EEF1AKMT3: variants seen among roughly 807,000 people sequenced by gnomAD.
EEF1AKMT3 encodes EEF1A lysine methyltransferase 3.
Under a neutral mutation model 17.8 loss-of-function variants are expected in EEF1AKMT3, and 17 were observed. The observed-to-expected ratio is 0.96, with a 90% CI of 0.65 to 1.43. The LOEUF (loss-of-function observed/expected upper bound fraction) is 1.43, where lower values mean the gene tolerates loss of function less well. Among genes scored for constraint, EEF1AKMT3 ranks in the 40% most tolerant of loss-of-function variants. The pLI, the probability that EEF1AKMT3 is intolerant of heterozygous loss-of-function variation, is 0.00. For synonymous variants in EEF1AKMT3, 116 were observed against 126.5 expected, an observed-to-expected ratio of 0.92 and a Z score of 0.56; for missense variants, 244 against 285.8, an observed-to-expected ratio of 0.85 and a Z score of 1.06.
chr12:57,773,307 A>T (rs1955457295), intron 2 of EEF1AKMT3, among the ~76,000 whole-genome samples, 179 bp downstream of exon 2: 1 of 152,076 alleles, frequency 6.6e-6, no homozygotes, highest in African/African-American at 2.4e-5. Flanking sequence ...TCTGCGTGCC[A>T]GACAGCGCGA....
chr12:57,780,228 G>C, intron 2 of EEF1AKMT3, 27 bp from the exon 3 acceptor site: 21 of 1,606,496 alleles, frequency 1.3e-5, no homozygotes, highest in Non-Finnish European at 1.7e-5. Flanking sequence ...CCTCTGACTT[G>C]CATTTTTCCT....
Position 57,773,126 on chromosome 12 carries a change from A to G in EEF1AKMT3, c.287A>G (p.Gln96Arg), listed in dbSNP as rs758258087. Residue 96 changes from glutamine (Q) to arginine (R), a missense_variant and splice_region_variant, in exon 2 of 3, where the codon CAG becomes CGG. Physicochemically the swap from Gln to Arg is conservative, Grantham distance 43. Transcript: ENST00000300209. ...TGIVGILAAL[Q>R]GGDVTITDLP... ...ATCGTGGGGATCTTGGCAGCGCTGC[A>G]GGGTGCGTGAGCTGGCTTTTTACGG... The G allele has an allele frequency of 2.5e-6, 4 of 1,614,060 alleles. No homozygotes were observed. The South Asian group carries it at 4.4e-5, about 18-fold the overall frequency.
chr12:57,773,596 T>C (rs1472885903), intron 2 of EEF1AKMT3, among the ~76,000 whole-genome samples: 3 of 152,062 alleles, frequency 2.0e-5, no homozygotes, highest in African/African-American at 7.2e-5. Context: ...CCCGGCTACT[T>C]TTTGTATTTT....
Position 57,780,780 on chromosome 12 carries a change from C to G in EEF1AKMT3, c.*134C>G. The G allele has an allele frequency of 8.2e-7, 1 of 1,213,078 alleles. No homozygotes were observed. Among genetic ancestry groups the G allele is most frequent in the Middle Eastern group, 2.6e-4 (1 of 3,896 alleles). The allele number at this position is 1,213,078 out of a possible 1,614,324, so 75.1% of individuals were successfully genotyped here. A position where few individuals can be genotyped will look rare whatever the true frequency, so the allele number is the denominator to read the frequency against. On this transcript the variant is annotated 3_prime_UTR_variant, in exon 3 of 3. Coordinates refer to ENST00000300209, the MANE Select transcript of EEF1AKMT3 (RefSeq NM_015433.3). The stretch of plus-strand genomic sequence containing the variant: ...CCTGGCCTCTCTCACTTTCCTCCTT[C>G]CCTCTTTGTTACCCCAGATACTCTT...
At chr12:57,778,947 C>T (rs757107419) in intron 2 of EEF1AKMT3, among the ~76,000 whole-genome samples, 48 of 152,294 alleles carry the variant, frequency 3.2e-4, no homozygotes, top group Non-Finnish European at 5.6e-4. Context: ...GCAACCTTCG[C>T]CTCCCAGGTT....
chr12:57,778,293 C>CTTTTTTTTTTTTTT lies in EEF1AKMT3; in HGVS notation c.290-1960_290-1947dup, dbSNP rs56919999. Reference sequence around the variant, plus strand: ...CCAAACACCCAGAAACCATCCTGAGCTTTTTTTTTTTTTTTGAGACAGGTT... The same window carrying CTTTTTTTTTTTTTT: ...CCAAACACCCAGAAACCATCCTGAGCTTTTTTTTTTTTTTTTTTTTTTTTTTTTTGAGACAGGTT... On this transcript the variant is annotated intron_variant, in intron 2 of 2. Coordinates refer to ENST00000300209, the MANE Select transcript of EEF1AKMT3 (RefSeq NM_015433.3). Among the ~76,000 whole-genome samples the CTTTTTTTTTTTTTT allele has an allele frequency of 1.3e-3, 56 of 43,992 alleles. 26 individuals carry two copies. Among genetic ancestry groups the CTTTTTTTTTTTTTT allele is most frequent in the African/African-American group, 2.6e-3 (32 of 12,336 alleles). 28.9% of individuals were successfully genotyped at this position (43,992 alleles called of 152,430 possible).
chr12:57,780,104 A>G (rs1483973188), intron 2 of EEF1AKMT3, 151 bp from the exon 3 acceptor site: 1 of 790,006 alleles, frequency 1.3e-6, no homozygotes, highest in Non-Finnish European at 2.0e-6. Flanking sequence ...AGTGGGTGAA[A>G]TGGAGGTTGA....
Position 57,780,307 on chromosome 12 carries a change from C to A in EEF1AKMT3, c.342C>A (p.Gly114=), listed in dbSNP as rs1955504466. 1 of 1,614,008 alleles carries A rather than the reference C, an allele frequency of 6.2e-7. No individual in the cohort carries two copies. The highest frequency in any genetic ancestry group is 1.7e-5 in the Admixed American group (1 of 59,996). Residue 114 remains glycine (G), a synonymous_variant, in exon 3 of 3, where the codon GGC becomes GGA. Transcript: ENST00000300209. ...CCCTGGCCCTAGAACAGATCCAGGG[C>A]AACGTCCAGGCCAATGTGCCAGCTG... ...DLPLALEQIQ[G]NVQANVPAGG... is the part of the protein sequence containing the mutation.
chr12:57,777,459 G>C (rs183679433), intron 2 of EEF1AKMT3, among the ~76,000 whole-genome samples: 24 of 152,202 alleles, frequency 1.6e-4, no homozygotes, highest in Admixed American at 1.4e-3. Context: ...GTTGTTAAAC[G>C]CAGGAGTCAG....
intron 2 of EEF1AKMT3, among the ~76,000 whole-genome samples, chr12:57,778,429 T>A (rs1323211520): frequency 6.6e-6 from 1 of 151,470 alleles, no homozygotes; most frequent in African/African-American, 2.4e-5. Flanking sequence ...GCCTCCCGAG[T>A]AGCTGGGACT....
chr12:57,777,998 A>G (rs572879660), intron 2 of EEF1AKMT3, among the ~76,000 whole-genome samples: 2 of 150,604 alleles, frequency 1.3e-5, no homozygotes, highest in South Asian at 4.2e-4. Flanking sequence ...CAGCCTGGGC[A>G]ACAAGTGCGA....
chr12:57,782,390 C>T lies in EEF1AKMT3; in HGVS notation c.*1744C>T, dbSNP rs1469701939. ...ATTGTGCTCATTCAATAAATATTTA[C>T]TCGCTTTGTTTAATGGATTCCACCC... On this transcript the variant is annotated 3_prime_UTR_variant, in exon 3 of 3. Transcript: ENST00000300209. The T allele has an allele frequency of 5.1e-6, 1 of 194,306 alleles. No individual in the cohort carries two copies. The highest frequency in any genetic ancestry group is 8.6e-5 in the South Asian group (1 of 11,668). The allele number at this position is 194,306 out of a possible 1,614,324, so 12.0% of individuals were successfully genotyped here. A position where few individuals can be genotyped will look rare whatever the true frequency, so the allele number is the denominator to read the frequency against.
At chr12:57,774,486 T>TA (rs1422644957) in intron 2 of EEF1AKMT3, 2 of 556,642 alleles carry the variant, frequency 3.6e-6, no homozygotes, top group African/African-American at 1.9e-5. Context: ...GTCTCAAAAA[T>TA]AAAAAAAGGG....
At chr12:57,774,653 C>G (rs1356879594) in intron 2 of EEF1AKMT3, 1 of 1,556,932 alleles carries the variant, frequency 6.4e-7, no homozygotes, top group Non-Finnish European at 8.9e-7. Context: ...GTGAGGGAGA[C>G]AGAGGACGAT....
At position 57,780,616 on chromosome 12, in the gene EEF1AKMT3, G is replaced by A. The variant is rs771052720; in HGVS notation, c.651G>A (p.Arg217=). The change falls in exon 3 of 3, where the codon AGG becomes AGA. Residue 217 remains arginine (R), a synonymous_variant. Coordinates refer to ENST00000300209, the MANE Select transcript of EEF1AKMT3 (RefSeq NM_015433.3). ...RDEDENVNIY[R]ARHREPRPA is the part of the protein sequence containing the mutation. ...AGGATGAAAATGTCAACATCTATAG[G>A]GCCAGGCACAGGGAACCAAGACCTG... 1.9e-6 allele frequency: 3 copies of A among 1,610,674 alleles called. No homozygotes were observed. The Admixed American group carries it at 5.0e-5, about 27-fold the overall frequency.
chr12:57,780,136 G>C, intron 2 of EEF1AKMT3, 119 bp from the exon 3 acceptor site: 1 of 1,236,980 alleles, frequency 8.1e-7, no homozygotes, highest in African/African-American at 1.5e-5. Context: ...GCCAGTGTGG[G>C]CTCTGGGCTG....
At chr12:57,776,372 G>A (rs1955480355) in intron 2 of EEF1AKMT3, among the ~76,000 whole-genome samples, 2 of 152,066 alleles carry the variant, frequency 1.3e-5, no homozygotes, top group Non-Finnish European at 1.5e-5. Context: ...ACATCACTTC[G>A]AAGGGAAGGC....
chr12:57,780,179 T>C, intron 2 of EEF1AKMT3, 76 bp from the exon 3 acceptor site: 2 of 1,568,282 alleles, frequency 1.3e-6, no homozygotes, highest in Non-Finnish European at 1.7e-6. Flanking sequence ...CTGAGGTCTC[T>C]GGACCTTCCA....
chr12:57,778,054 C>T (rs1955490901), intron 2 of EEF1AKMT3, among the ~76,000 whole-genome samples: 1 of 150,640 alleles, frequency 6.6e-6, no homozygotes. Context: ...CGTTGGTGAT[C>T]ATGACTCTAA....
Sources: allele counts gnomAD v4.1 joint callset (sites outside exome capture counted in the v4.1 genomes callset), GRCh38; gene constraint gnomAD v4.1.1; transcripts MANE v1.5; gene names NCBI Gene and HGNC (gene_info 2026-07-23, HGNC 2026-07-21).